PARVG: variants seen among roughly 807,000 people sequenced by gnomAD.
The protein encoded by PARVG is gamma-parvin.
A neutral mutation model predicts 44.4 loss-of-function variants in PARVG; 36 were observed. The ratio of observed to expected loss-of-function variants is 0.81; its 90% CI spans 0.62 to 1.07. PARVG has a LOEUF of 1.07. PARVG is among the 50% of genes least tolerant of loss of function. The pLI, the probability that PARVG is intolerant of heterozygous loss-of-function variation, is 0.00. For missense variants in PARVG, 407 were observed against 407.4 expected (o/e 1.00, Z 0.01); for synonymous variants, 170 against 174.1 (o/e 0.98, Z 0.19).
intron 11 of PARVG, among the ~76,000 whole-genome samples, chr22:44,196,617 G>A (rs1452939779): frequency 6.7e-6 from 1 of 150,060 alleles, no homozygotes; most frequent in Non-Finnish European, 1.5e-5. Context: ...GGGGGTGGAG[G>A]TGTGGGAACA....
rs753083932 is a variant in PARVG at position 44,189,094 on chromosome 22, C to G, written c.248-20C>G. 6 of 1,613,764 alleles carry G rather than the reference C, an allele frequency of 3.7e-6. No homozygotes were observed. Among genetic ancestry groups the G allele is most frequent in the Non-Finnish European group, 5.1e-6 (6 of 1,180,002 alleles). ...GTCTGTCCCCGGCCAGGGGTCCTCA[C>G]CACCCTCTCCTGCCTCCAGAGAGGC... On this transcript the variant is annotated intron_variant, in intron 5 of 13. Transcript: ENST00000444313.
rs375768996 is a variant in PARVG, at chr22:44,189,203, G to A, written c.337G>A (p.Val113Met). 1.8e-5 allele frequency: 29 copies of A among 1,614,122 alleles called. No individual in the cohort carries two copies. Among genetic ancestry groups the A allele is most frequent in the Middle Eastern group, 1.6e-4 (1 of 6,084 alleles). The part of the protein sequence containing the change: ...KHKLTVVLEA[V>M]NRSLQLEEWQ... Reference sequence around the variant, plus strand: ...CAAGCTCACAGTGGTGCTGGAGGCCGTGAACCGGAGTCTGCAGCTGGAGGA... The same window carrying A: ...CAAGCTCACAGTGGTGCTGGAGGCCATGAACCGGAGTCTGCAGCTGGAGGA... The change falls in exon 6 of 14, where the codon GTG becomes ATG. Residue 113 changes from valine (V) to methionine (M), a missense_variant. By Grantham distance (21) the Val-to-Met change is conservative. Coordinates refer to ENST00000444313, the MANE Select transcript of PARVG (RefSeq NM_022141.7).
At chr22:44,181,293 C>G in intron 1 of PARVG, 108 bp downstream of exon 1, 1 of 977,930 alleles carries the variant, frequency 1.0e-6, no homozygotes, top group Non-Finnish European at 1.2e-6. Context: ...GGAAGTGACT[C>G]ACTCCTCCGA....
At chr22:44,193,529 C>G (rs1185674628) in intron 8 of PARVG, among the ~76,000 whole-genome samples, 1 of 152,144 alleles carries the variant, frequency 6.6e-6, no homozygotes, top group Admixed American at 6.5e-5. Context: ...ATGTATCTCC[C>G]TCAGAACAGA....
chr22:44,182,642 G>A lies in PARVG; in HGVS notation c.-12-676G>A, dbSNP rs537414210. On this transcript the variant is annotated intron_variant, in intron 2 of 13. Coordinates refer to ENST00000444313, the MANE Select transcript of PARVG (RefSeq NM_022141.7). This position sits in a 1 kb window ranked among gnomAD's most constrained non-coding sequence, Gnocchi z 4.6. ...ACTGAGAAGACCCAGGGGCTGAAAA[G>A]GGAGGAAGAGGGAGGCCAGAAGGCG... Among the ~76,000 whole-genome samples, 4 of 152,318 alleles carry A rather than the reference G, an allele frequency of 2.6e-5. No individual in the cohort carries two copies. In the East Asian group the frequency reaches 5.8e-4, roughly 22 times the overall value.
intron 8 of PARVG, among the ~76,000 whole-genome samples, chr22:44,193,368 G>A (rs1340362349): frequency 6.6e-6 from 1 of 152,232 alleles, no homozygotes; most frequent in Non-Finnish European, 1.5e-5. Flanking sequence ...AATCGCAGCT[G>A]TGGTCAGCGT....
In PARVG at chr22:44,188,097, A is replaced by T. The variant is rs1221485537; in HGVS notation, c.247+219A>T. 5 of 590,956 alleles carry T rather than the reference A, an allele frequency of 8.5e-6. No individual in the cohort carries two copies. In the East Asian group the frequency reaches 1.4e-4, roughly 17 times the overall value. 36.6% of individuals were successfully genotyped at this position (590,956 alleles called of 1,614,324 possible). On this transcript the variant is annotated intron_variant, in intron 5 of 13. Coordinates refer to ENST00000444313, the MANE Select transcript of PARVG (RefSeq NM_022141.7). ...AGCTGGGGCTCAGGGTGGGGCTCTG[A>T]CGCCAGGGTTGGTGCTCTTTCTACC... is the stretch of plus-strand genomic sequence containing the variant.
intron 9 of PARVG, 127 bp from the exon 10 acceptor site, chr22:44,196,028 C>A (rs528204077): frequency 4.1e-6 from 4 of 968,368 alleles, no homozygotes; most frequent in East Asian, 4.9e-5. Context: ...ATTTGAGAAC[C>A]ATGATGTAAA....
At chr22:44,190,882 G>C (rs1000207857) in intron 7 of PARVG, among the ~76,000 whole-genome samples, 1 of 152,192 alleles carries the variant, frequency 6.6e-6, no homozygotes, top group African/African-American at 2.4e-5. Flanking sequence ...GGAGGCCTGG[G>C]GGCATGAGGA....
At position 44,198,734 on chromosome 22, in the gene PARVG, A is replaced by C. The variant is rs755966221; in HGVS notation, c.813+12A>C. The C allele has an allele frequency of 5.3e-5, 85 of 1,589,590 alleles. No individual in the cohort carries two copies. The highest frequency in any genetic ancestry group is 6.9e-5 in the Non-Finnish European group (80 of 1,157,688). ...CTCCTGCAGAAATGGTAAGTTTTCC[A>C]AGGATTTTTCTTTATGGTCTACCTC... On this transcript the variant is annotated intron_variant, in intron 12 of 13. Transcript: ENST00000444313.
At chr22:44,195,409 C>A (rs2054604909) in intron 9 of PARVG, among the ~76,000 whole-genome samples, 1 of 152,222 alleles carries the variant, frequency 6.6e-6, no homozygotes, top group South Asian at 2.1e-4. Flanking sequence ...GAAGCCACAG[C>A]AAACTCAGGC....
Position 44,208,300 on chromosome 22 carries a change from C to G in PARVG, c.*1874C>G, listed in dbSNP as rs1205922789. 6.6e-6 allele frequency: 1 copy of G among 152,216 alleles called. No individual in the cohort carries two copies. The highest frequency in any genetic ancestry group is 1.5e-5 in the Non-Finnish European group (1 of 68,036). The allele number at this position is 152,216 out of a possible 1,614,324, so 9.4% of individuals were successfully genotyped here. On this transcript the variant is annotated 3_prime_UTR_variant, in exon 14 of 14. Coordinates refer to ENST00000444313, the MANE Select transcript of PARVG (RefSeq NM_022141.7). ...TGACAAATGCATGCAGTCATATAAC[C>G]ACCACCATCGTTATCCAGACATGGG...
chr22:44,198,736 G>T lies in PARVG; in HGVS notation c.813+14G>T. On this transcript the variant is annotated intron_variant, in intron 12 of 13. Coordinates refer to ENST00000444313, the MANE Select transcript of PARVG (RefSeq NM_022141.7). ...CCTGCAGAAATGGTAAGTTTTCCAA[G>T]GATTTTTCTTTATGGTCTACCTCTA... 1 of 1,583,964 alleles carries T rather than the reference G, an allele frequency of 6.3e-7. No individual in the cohort carries two copies. The highest frequency in any genetic ancestry group is 8.7e-7 in the Non-Finnish European group (1 of 1,152,528).
chr22:44,177,125 T>A (rs1476447176), upstream of PARVG, among the ~76,000 whole-genome samples: 1 of 152,136 alleles, frequency 6.6e-6, no homozygotes, highest in Non-Finnish European at 1.5e-5. Context: ...ATGTTAACAT[T>A]TTTACTTTAT....
At chr22:44,204,747 CACCCCG>C (rs1350859466) in intron 12 of PARVG, among the ~76,000 whole-genome samples, 1 of 152,242 alleles carries the variant, frequency 6.6e-6, no homozygotes, top group African/African-American at 2.4e-5. Context: ...CTGGGATGTC[CACCCCG>C]TCTAGTGGAT....
At chr22:44,203,142 T>C (rs993766287) in intron 12 of PARVG, among the ~76,000 whole-genome samples, 1 of 152,206 alleles carries the variant, frequency 6.6e-6, no homozygotes, top group Non-Finnish European at 1.5e-5. Flanking sequence ...CAGAAGCAGA[T>C]GTCATAATTT....
rs566512880 is a variant in PARVG, at chr22:44,181,854, C to T, written c.-76C>T. 9.3e-5 allele frequency: 92 copies of T among 985,506 alleles called. 2 individuals carry two copies. The South Asian group carries it at 3.6e-3, about 39-fold the overall frequency. The allele number at this position is 985,506 out of a possible 1,614,324, so 61.0% of individuals were successfully genotyped here. A position where few individuals can be genotyped will look rare whatever the true frequency, so the allele number is the denominator to read the frequency against. On this transcript the variant is annotated 5_prime_UTR_variant, in exon 2 of 14. Coordinates refer to ENST00000444313, the MANE Select transcript of PARVG (RefSeq NM_022141.7). ...GAAGAACCCGGAACTTGCTTCCATT[C>T]GGAATCCAGGGACCACCCTTTGCAC...
chr22:44,185,332 G>A (rs1020433530), intron 3 of PARVG: 1 of 156,934 alleles, frequency 6.4e-6, no homozygotes, highest in Non-Finnish European at 1.4e-5. Flanking sequence ...AGTCTAAAAT[G>A]TGGGCAGATG....
At chr22:44,189,559 C>T (rs186713927) in intron 6 of PARVG, among the ~76,000 whole-genome samples, 63 of 152,292 alleles carry the variant, frequency 4.1e-4, no homozygotes, top group African/African-American at 3.4e-4. Flanking sequence ...TACCGTGGTC[C>T]GCCCATCCAC....
Sources: allele counts gnomAD v4.1 joint callset (sites outside exome capture counted in the v4.1 genomes callset), GRCh38; gene constraint gnomAD v4.1.1; non-coding constraint Gnocchi (gnomAD v3.1); transcripts MANE v1.5; gene names NCBI Gene and HGNC (gene_info 2026-07-23, HGNC 2026-07-21).